Variants in CCDC180 observed in about 807,000 individuals in gnomAD.
CCDC180 encodes the protein coiled-coil domain-containing protein 180.
A neutral mutation model predicts 209.2 loss-of-function variants in CCDC180; 154 were observed. The observed-to-expected ratio is 0.74, with a 90% CI of 0.65 to 0.84. The LOEUF (loss-of-function observed/expected upper bound fraction) is 0.84, where lower values mean the gene tolerates loss of function less well. Ranked by LOEUF, CCDC180 falls within the 40% of genes least tolerant of loss-of-function variation. The probability of loss-of-function intolerance (pLI) is 0.00; values close to 1 mark genes in which losing one functional copy is unlikely to be tolerated. For synonymous variants in CCDC180, 778 were observed against 749.1 expected, an observed-to-expected ratio of 1.04 and a Z score of -0.63; for missense variants, 1,874 against 1,997.3, an observed-to-expected ratio of 0.94 and a Z score of 1.18.
At chr9:97,358,281 C>T (rs1468908970) in intron 25 of CCDC180, among the ~76,000 whole-genome samples, 5 of 152,032 alleles carry the variant, frequency 3.3e-5, no homozygotes, top group Admixed American at 1.3e-4. Context: ...CCACCATACC[C>T]GGCTAATTTT....
intron 18 of CCDC180, among the ~76,000 whole-genome samples, chr9:97,332,711 G>A (rs980569607): frequency 6.6e-6 from 1 of 152,128 alleles, no homozygotes; most frequent in African/African-American, 2.4e-5. Context: ...ACTGATTTTT[G>A]TATGTTGCTT....
chr9:97,347,269 G>A, intron 19 of CCDC180, 45 bp from the exon 20 acceptor site: 2 of 1,527,398 alleles, frequency 1.3e-6, no homozygotes, highest in Non-Finnish European at 1.8e-6. Flanking sequence ...CCTCTCATGG[G>A]TCATGATTGC....
At chr9:97,353,851 T>C (rs1215589231) in intron 22 of CCDC180, among the ~76,000 whole-genome samples, 1 of 152,114 alleles carries the variant, frequency 6.6e-6, no homozygotes, top group African/African-American at 2.4e-5. Context: ...ACAATGCAAA[T>C]GTTGTCCTCT....
At chr9:97,370,189 T>A in intron 32 of CCDC180, 107 bp downstream of exon 32, 1 of 1,297,696 alleles carries the variant, frequency 7.7e-7, no homozygotes, top group Admixed American at 2.7e-5. Flanking sequence ...GAAGGTGAGC[T>A]TGGCTTGGGA....
At chr9:97,318,262 C>T (rs78144653) in intron 9 of CCDC180, among the ~76,000 whole-genome samples, 3 of 152,272 alleles carry the variant, frequency 2.0e-5, no homozygotes, top group African/African-American at 4.8e-5. Flanking sequence ...CCTCTGTCCC[C>T]GCTTTCTCCC....
chr9:97,355,507 C>T (rs1826555586), intron 24 of CCDC180, among the ~76,000 whole-genome samples: 1 of 152,210 alleles, frequency 6.6e-6, no homozygotes, highest in African/African-American at 2.4e-5. Context: ...GAGCACCATG[C>T]ATCCTGCTAA....
intron 15 of CCDC180, among the ~76,000 whole-genome samples, chr9:97,327,648 A>G (rs937104726): frequency 2.6e-5 from 4 of 152,184 alleles, no homozygotes; most frequent in Admixed American, 6.5e-5. Flanking sequence ...ACGTAACCCT[A>G]TGAGCCTTGG....
intron 3 of CCDC180, among the ~76,000 whole-genome samples, chr9:97,310,002 G>A (rs750426245): frequency 1.3e-5 from 2 of 152,252 alleles, no homozygotes; most frequent in Non-Finnish European, 2.9e-5. Context: ...TGGGGACAAG[G>A]CTCTGAGAAA....
intron 9 of CCDC180, among the ~76,000 whole-genome samples, chr9:97,317,746 A>G (rs1833225639): frequency 6.6e-6 from 1 of 152,022 alleles, no homozygotes; most frequent in South Asian, 2.1e-4. Context: ...TTTGCTGTGG[A>G]TGAAGGAAAA....
intron 16 of CCDC180, 46 bp downstream of exon 16, chr9:97,328,192 A>G: frequency 3.1e-6 from 5 of 1,594,910 alleles, no homozygotes; most frequent in Non-Finnish European, 4.3e-6. Context: ...GAAGAAGCTA[A>G]GGGAGAGGCT....
Position 97,317,199 on chromosome 9 carries a change from C to G in CCDC180, c.930C>G (p.Leu310=), listed in dbSNP as rs1160119311. 6.2e-7 allele frequency: 1 copy of G among 1,606,608 alleles called. No homozygotes were observed. Among genetic ancestry groups the G allele is most frequent in the South Asian group, 1.1e-5 (1 of 90,742 alleles). Residue 310 remains leucine, a synonymous_variant, in exon 9 of 37, where the codon CTC becomes CTG. Transcript: ENST00000529487. ...WQGLVDTWKA[L]KKEALLQSFS... is the part of the protein sequence containing the mutation. ...GCTTGGTGGACACCTGGAAGGCTCT[C>G]AAGAAGGAGGCCCTGCTGCAGAGTT... is the stretch of plus-strand genomic sequence containing the variant.
chr9:97,356,158 A>T (rs904512992), intron 24 of CCDC180, among the ~76,000 whole-genome samples: 1 of 152,020 alleles, frequency 6.6e-6, no homozygotes, highest in African/African-American at 2.4e-5. Context: ...TGGAAGTGGG[A>T]TGGGAGGGAC....
rs1339769057 is a variant in CCDC180 at position 97,328,020 on chromosome 9, G to GTA, written c.1664_1665dup (p.Glu556MetfsTer8). The GTA allele has an allele frequency of 6.2e-7, 1 of 1,613,214 alleles. No individual in the cohort carries two copies. Among genetic ancestry groups the GTA allele is most frequent in the Middle Eastern group, 1.7e-4 (1 of 6,054 alleles). On this transcript the variant is annotated frameshift_variant and splice_region_variant, in exon 16 of 37. Coordinates refer to ENST00000529487, the MANE Select transcript of CCDC180 (RefSeq NM_020893.6). LOFTEE classifies it high-confidence loss of function. The stretch of plus-strand genomic sequence containing the variant: ...CCTGTCTTACCTACCTACCTCCCAG[G>GTA]TATGAATGTTTTCACACCCTCCTGA...
intron 22 of CCDC180, among the ~76,000 whole-genome samples, chr9:97,352,462 AG>A (rs1455184097): frequency 4.6e-5 from 7 of 152,152 alleles, no homozygotes; most frequent in Non-Finnish European, 4.4e-5. Flanking sequence ...TATCTGGGGA[AG>A]GGATTCACAA....
chr9:97,363,675 A>G, intron 28 of CCDC180: 1 of 501,618 alleles, frequency 2.0e-6, no homozygotes, highest in East Asian at 5.9e-5. Context: ...ATTCAAGTTT[A>G]AATGGGCGTG....
chr9:97,322,991 A>G (rs1314451950), intron 12 of CCDC180, 70 bp downstream of exon 12: 3 of 1,220,500 alleles, frequency 2.5e-6, no homozygotes, highest in Non-Finnish European at 2.4e-6. Flanking sequence ...CCCTGGCCCC[A>G]TACCCACTGC....
Position 97,343,414 on chromosome 9 carries a change from C to T in CCDC180, c.2349C>T (p.Asn783=). The change falls in exon 19 of 37, where the codon AAC becomes AAT. Residue 783 remains asparagine (N), a synonymous_variant. Coordinates refer to ENST00000529487, the MANE Select transcript of CCDC180 (RefSeq NM_020893.6). ...DMESFTISSG[N]TYFVFVPLEE... is the part of the protein sequence containing the mutation. Reference sequence around the variant, plus strand: ...AGTCCTTCACAATCTCCAGTGGAAACACTTATTTTGTCTTTGTACCCCTGG... The same window carrying T: ...AGTCCTTCACAATCTCCAGTGGAAATACTTATTTTGTCTTTGTACCCCTGG... The T allele has an allele frequency of 6.2e-7, 1 of 1,613,844 alleles. No homozygotes were observed. Among genetic ancestry groups the T allele is most frequent in the Non-Finnish European group, 8.5e-7 (1 of 1,179,788 alleles).
At chr9:97,360,135 G>A in intron 26 of CCDC180, 34 bp downstream of exon 26, 1 of 1,606,478 alleles carries the variant, frequency 6.2e-7, no homozygotes, top group Non-Finnish European at 8.5e-7. Flanking sequence ...GGAAAGGGTG[G>A]GTGAGCTGTT....
At chr9:97,328,322 A>G (rs1294002723) in intron 16 of CCDC180, among the ~76,000 whole-genome samples, 176 bp downstream of exon 16, 2 of 152,214 alleles carry the variant, frequency 1.3e-5, no homozygotes, top group Non-Finnish European at 2.9e-5. Flanking sequence ...TTCTCAGTAT[A>G]AAAGAGGCTG....
Sources: allele counts gnomAD v4.1 joint callset (sites outside exome capture counted in the v4.1 genomes callset), GRCh38; gene constraint gnomAD v4.1.1; transcripts MANE v1.5; gene names NCBI Gene and HGNC (gene_info 2026-07-23, HGNC 2026-07-21).